The following RBM23 variants were observed in gnomAD, a reference collection of about 807,000 sequenced individuals.
The protein encoded by RBM23 is probable RNA-binding protein 23.
In RBM23, 53 loss-of-function variants were observed where a neutral mutation model predicts 56.2. That is an observed-to-expected ratio of 0.94 (90% CI 0.76 to 1.19). RBM23 has a LOEUF of 1.19. Ranked by LOEUF, RBM23 falls within the 50% of genes most tolerant of loss-of-function variation. The pLI, the probability that RBM23 is intolerant of heterozygous loss-of-function variation, is 0.00. For missense variants in RBM23, 642 were observed against 590.3 expected, an observed-to-expected ratio of 1.09 and a Z score of -0.91; for synonymous variants, 197 against 198.5, an observed-to-expected ratio of 0.99 and a Z score of 0.06.
At chr14:22,915,756 AG>A (rs1426672498) in intron 1 of RBM23, among the ~76,000 whole-genome samples, 2 of 152,280 alleles carry the variant, frequency 1.3e-5, no homozygotes, top group East Asian at 3.9e-4. Context: ...TCGGCCTCCC[AG>A]TGCTGGGATT....
At chr14:22,902,728 T>C in intron 10 of RBM23, 4 of 936,146 alleles carry the variant, frequency 4.3e-6, no homozygotes, top group Non-Finnish European at 5.1e-6. Flanking sequence ...GGCTTTTAAT[T>C]CAGTTCTCTA....
At chr14:22,911,473 C>A in intron 1 of RBM23, 70 bp from the exon 2 acceptor site, 1 of 1,274,692 alleles carries the variant, frequency 7.8e-7, no homozygotes, top group South Asian at 1.2e-5. Flanking sequence ...CCACACATTT[C>A]TTTCCCACTC....
intron 3 of RBM23, among the ~76,000 whole-genome samples, chr14:22,908,946 A>ATT (rs397852290): frequency 6.1e-4 from 87 of 141,518 alleles, no homozygotes; most frequent in Admixed American, 9.2e-4. Flanking sequence ...TCCTCTTGCT[A>ATT]TTTTTTTTTT....
rs1370311136 is a variant in RBM23 at position 22,903,559 on chromosome 14, G to A, written c.930+702C>T. The A allele has an allele frequency of 7.1e-6, 7 of 986,960 alleles. No individual in the cohort carries two copies. The East Asian group carries it at 5.6e-4, about 80-fold the overall frequency. The allele number at this position is 986,960 out of a possible 1,614,324, so 61.1% of individuals were successfully genotyped here. ...CCTTTACTGGATATTTTTGAGGTGAGCAATTCCAATGACAGAATACAACCT... is the reference window on the plus strand; with the variant it reads ...CCTTTACTGGATATTTTTGAGGTGAACAATTCCAATGACAGAATACAACCT... On this transcript the variant is annotated intron_variant, in intron 10 of 13. Transcript: ENST00000359890.
At position 22,912,931 on chromosome 14, in the gene RBM23, C is replaced by T. The variant is rs141505516; in HGVS notation, c.-10-1528G>A. On this transcript the variant is annotated intron_variant, in intron 1 of 13. Transcript: ENST00000359890. ...AGGAGTATCACTTGAACCCAGGAGG[C>T]GGAGGTTGCAGTTAGCCAAGATTGT... 7.2e-3 allele frequency among the ~76,000 whole-genome samples: 867 copies of T among 121,108 alleles called. 5 individuals are homozygous for T. Among genetic ancestry groups the T allele is most frequent in the African/African-American group, 0.027 (843 of 31,182 alleles). 79.5% of individuals were successfully genotyped at this position (121,108 alleles called of 152,430 possible).
At chr14:22,905,297 G>A (rs2041338034) in intron 7 of RBM23, 39 bp downstream of exon 7, 17 of 1,613,746 alleles carry the variant, frequency 1.1e-5, no homozygotes, top group Non-Finnish European at 1.4e-5. Context: ...GGAGATACAA[G>A]CTAAGCTACT....
chr14:22,904,363 C>G, intron 9 of RBM23, 37 bp from the exon 10 acceptor site: 1 of 1,536,696 alleles, frequency 6.5e-7, no homozygotes, highest in Non-Finnish European at 9.0e-7. Flanking sequence ...AAACTTTTGA[C>G]TAGCCCACAT....
chr14:22,903,802 A>G, intron 10 of RBM23: 5 of 1,044,884 alleles, frequency 4.8e-6, no homozygotes, highest in Non-Finnish European at 5.8e-6. Flanking sequence ...TATTCTCCCC[A>G]TAGTGCTACG....
At chr14:22,913,040 A>C (rs531890028) in intron 1 of RBM23, among the ~76,000 whole-genome samples, 1 of 146,644 alleles carries the variant, frequency 6.8e-6, no homozygotes, top group South Asian at 2.1e-4. Context: ...ACTAATCACT[A>C]TATCAAAGAA....
chr14:22,909,702 TTATC>T (rs1426753381), intron 2 of RBM23, 107 bp from the exon 3 acceptor site: 15 of 792,680 alleles, frequency 1.9e-5, no homozygotes, highest in Non-Finnish European at 3.2e-5. Context: ...AACCACTTGA[TTATC>T]TAGCCAGATT....
In RBM23 at chr14:22,894,282, C is replaced by T. The variant is rs1019255454; in HGVS notation, c.*7448G>A. On this transcript the variant is annotated 3_prime_UTR_variant, in exon 14 of 14. Coordinates refer to ENST00000359890, the MANE Select transcript of RBM23 (RefSeq NM_001077351.2). ...CCTTCCATAGGACTCACGGGTAACA[C>T]TTTTTTGGGTTTTGTCATCTGATGG... 6.6e-6 allele frequency: 1 copy of T among 152,294 alleles called. No homozygotes were observed. Among genetic ancestry groups the T allele is most frequent in the East Asian group, 1.9e-4 (1 of 5,190 alleles). 9.4% of individuals were successfully genotyped at this position (152,294 alleles called of 1,614,324 possible). A position where few individuals can be genotyped will look rare whatever the true frequency, so the allele number is the denominator to read the frequency against.
Position 22,909,496 on chromosome 14 carries a change from C to T in RBM23, c.166G>A (p.Gly56Arg), listed in dbSNP as rs1172211165. Reference protein sequence around the residue: ...GNETSGSSTIGETSKKKRSRS... With the variant: ...GNETSGSSTIRETSKKKRSRS... ...TCCCACACTCACTTGCTTGTCTCCC[C>T]GATGGTGCTGCTTCCACTGGTCTCA... is the stretch of plus-strand genomic sequence containing the variant. Residue 56 changes from glycine to arginine, a missense_variant, in exon 3 of 14, where the codon GGG becomes AGG. Coordinates refer to ENST00000359890, the MANE Select transcript of RBM23 (RefSeq NM_001077351.2). The T allele has an allele frequency of 1.6e-5, 26 of 1,612,902 alleles. No homozygotes were observed. The highest frequency in any genetic ancestry group is 2.1e-5 in the Non-Finnish European group (25 of 1,179,846).
At position 22,908,342 on chromosome 14, in the gene RBM23, C is replaced by A; in HGVS notation, c.218G>T (p.Arg73Ile). 6.5e-7 allele frequency: 1 copy of A among 1,549,784 alleles called. No individual in the cohort carries two copies. ...GCCCAGAATTACTGACCTGCGCTTT[C>A]TATCCCTGCTTTTATTATGGCTCCG... ...RSRSHNKSRD[R>I]KRSRSRDRDR... Residue 73 changes from arginine to isoleucine, a missense_variant, in exon 4 of 14, where the codon AGA becomes ATA. Transcript: ENST00000359890.
chr14:22,901,900 C>G lies in RBM23; in HGVS notation c.1247-17G>C, dbSNP rs1328352712. ...GACTCAGAGCTAGAACAAAGACAGGCAGAGTGAGTGAGCAAGCACCGCGCA... is the reference window on the plus strand; with the variant it reads ...GACTCAGAGCTAGAACAAAGACAGGGAGAGTGAGTGAGCAAGCACCGCGCA... On this transcript the variant is annotated splice_polypyrimidine_tract_variant and intron_variant, in intron 12 of 13. Transcript: ENST00000359890. The G allele has an allele frequency of 3.1e-6, 5 of 1,614,036 alleles. No individual in the cohort carries two copies. The highest frequency in any genetic ancestry group is 4.2e-6 in the Non-Finnish European group (5 of 1,180,008).
intron 9 of RBM23, among the ~76,000 whole-genome samples, chr14:22,904,628 C>A (rs2041212576): frequency 6.6e-6 from 1 of 151,860 alleles, no homozygotes; most frequent in African/African-American, 2.4e-5. Context: ...TGCACCACCA[C>A]ATTGGCTAAT....
intron 7 of RBM23, 26 bp downstream of exon 7, chr14:22,905,310 G>T (rs371922671): frequency 6.2e-7 from 1 of 1,613,884 alleles, no homozygotes; most frequent in Non-Finnish European, 8.5e-7. Context: ...AAGCTACTCA[G>T]AAGAAAACTA....
chr14:22,917,547 T>C (rs2043746461), intron 1 of RBM23: 2 of 134,476 alleles, frequency 1.5e-5, no homozygotes. Context: ...TTCAGGCTGG[T>C]AGTTTTTTCT....
Position 22,919,018 on chromosome 14 carries a change from G to T in RBM23, c.-30C>A, listed in dbSNP as rs1566620730. The T allele has an allele frequency of 6.6e-6, 1 of 152,188 alleles. No homozygotes were observed. The highest frequency in any genetic ancestry group is 1.5e-5 in the Non-Finnish European group (1 of 68,048). 9.4% of individuals were successfully genotyped at this position (152,188 alleles called of 1,614,324 possible). On this transcript the variant is annotated 5_prime_UTR_variant, in exon 1 of 14. Transcript: ENST00000359890. ...TCTCACCAGTTCCGGGTCCCCGCAG[G>T]GGGGTCCCGGTTCTCTCCGTTCCTT...
intron 1 of RBM23, among the ~76,000 whole-genome samples, chr14:22,915,350 G>A (rs767667040): frequency 8.6e-5 from 13 of 151,668 alleles, no homozygotes; most frequent in Non-Finnish European, 1.3e-4. Flanking sequence ...ACAGGCATGC[G>A]CCACCACATC....
Sources: allele counts gnomAD v4.1 joint callset (sites outside exome capture counted in the v4.1 genomes callset), GRCh38; gene constraint gnomAD v4.1.1; transcripts MANE v1.5; gene names NCBI Gene and HGNC (gene_info 2026-07-23, HGNC 2026-07-21).